OR5AN1: variants seen among roughly 807,000 people sequenced by gnomAD.
OR5AN1 encodes olfactory receptor family 5 subfamily AN member 1.
For synonymous variants in OR5AN1, 167 were observed against 131.8 expected, an observed-to-expected ratio of 1.27 and a Z score of -1.83; for missense variants, 476 against 368.9, an observed-to-expected ratio of 1.29 and a Z score of -2.38.
Position 59,365,079 on chromosome 11 carries a change from T to C in OR5AN1, c.621T>C (p.Phe207=). The C allele has an allele frequency of 6.2e-7, 1 of 1,614,154 alleles. No individual in the cohort carries two copies. Among genetic ancestry groups the C allele is most frequent in the South Asian group, 1.1e-5 (1 of 91,078 alleles). The stretch of plus-strand genomic sequence containing the variant: ...TGACTGCTATATTAACCATGTTCTT[T>C]GGGATAGCAAGTGCCCTAGTTATCA... ...QVMTAILTMF[F]GIASALVIMI... The change falls in exon 2 of 2, where the codon TTT becomes TTC. Residue 207 remains phenylalanine, a synonymous_variant. Transcript: ENST00000641998.
In OR5AN1 at chr11:59,364,722, G is replaced by C. The variant is rs778328172; in HGVS notation, c.264G>C (p.Gln88His). The C allele has an allele frequency of 6.2e-7, 1 of 1,613,986 alleles. No individual in the cohort carries two copies. The highest frequency in any genetic ancestry group is 2.2e-5 in the East Asian group (1 of 44,876). Residue 88 changes from glutamine to histidine, a missense_variant, in exon 2 of 2, where the codon CAG becomes CAC. Gln to His is a conservative substitution (Grantham distance 24). Transcript: ENST00000641998. ...TVPKMLSNLLQEQQTITFVGC... is the reference protein window; with the variant it reads ...TVPKMLSNLLHEQQTITFVGC... ...CCAAGATGCTCTCCAACCTCTTACA[G>C]GAACAGCAAACTATCACTTTTGTTG...
rs1355310350 is a variant in OR5AN1, at chr11:59,367,798, C to A, written c.*2404C>A. 6.6e-6 allele frequency: 1 copy of A among 152,448 alleles called. No homozygotes were observed. Among genetic ancestry groups the A allele is most frequent in the East Asian group, 1.9e-4 (1 of 5,196 alleles). The allele number at this position is 152,448 out of a possible 1,614,324, so 9.4% of individuals were successfully genotyped here. A position where few individuals can be genotyped will look rare whatever the true frequency, so the allele number is the denominator to read the frequency against. ...TTCCTCTTCACTGGGCAGGACCTCC[C>A]AACTGGGGCCTGCAGCCACCCCCAC... On this transcript the variant is annotated 3_prime_UTR_variant, in exon 2 of 2. Transcript: ENST00000641998.
At position 59,371,221 on chromosome 11, in the gene OR5AN1, A is replaced by G. The variant is rs1235357680; in HGVS notation, c.*5827A>G. ...GCATAGTGTCCCTGCTTAATATTAC[A>G]TAGAGTAGCTGGGTCATAATTATTT... On this transcript the variant is annotated 3_prime_UTR_variant, in exon 2 of 2. Transcript: ENST00000641998. The G allele has an allele frequency of 6.6e-6, 1 of 152,162 alleles. No individual in the cohort carries two copies. 9.4% of individuals were successfully genotyped at this position (152,162 alleles called of 1,614,324 possible). A position where few individuals can be genotyped will look rare whatever the true frequency, so the allele number is the denominator to read the frequency against.
Position 59,368,268 on chromosome 11 carries a change from A to C in OR5AN1, c.*2874A>C, listed in dbSNP as rs1857557170. On this transcript the variant is annotated 3_prime_UTR_variant, in exon 2 of 2. Transcript: ENST00000641998. ...CAAGCATAAAACAGCAGCCCTATGGAAAAGTGGCCAGAGTGTTTCGTGGGT... is the reference window on the plus strand; with the variant it reads ...CAAGCATAAAACAGCAGCCCTATGGCAAAGTGGCCAGAGTGTTTCGTGGGT... The C allele has an allele frequency of 6.6e-6, 1 of 152,260 alleles. No homozygotes were observed. The highest frequency in any genetic ancestry group is 2.1e-4 in the South Asian group (1 of 4,824). 9.4% of individuals were successfully genotyped at this position (152,260 alleles called of 1,614,324 possible).
intron 1 of OR5AN1, chr11:59,360,158 T>C (rs1436307799): frequency 6.6e-6 from 1 of 152,214 alleles, no homozygotes; most frequent in Non-Finnish European, 1.5e-5. Context: ...TGTTCTTTAC[T>C]GGAAATGGTA....
At position 59,368,187 on chromosome 11, in the gene OR5AN1, T is replaced by C. The variant is rs1857555804; in HGVS notation, c.*2793T>C. ...GTCTTTGCTGTTTCACAGCCTTCAC[T>C]GGTGACACCTCCAGGTTCTGGGAAA... is the stretch of plus-strand genomic sequence containing the variant. On this transcript the variant is annotated 3_prime_UTR_variant, in exon 2 of 2. Coordinates refer to ENST00000641998, the MANE Select transcript of OR5AN1 (RefSeq NM_001004729.2). 6.6e-6 allele frequency: 1 copy of C among 152,332 alleles called. No homozygotes were observed. Among genetic ancestry groups the C allele is most frequent in the African/African-American group, 2.4e-5 (1 of 41,466 alleles). 9.4% of individuals were successfully genotyped at this position (152,332 alleles called of 1,614,324 possible).
Position 59,369,893 on chromosome 11 carries a change from G to A in OR5AN1, c.*4499G>A, listed in dbSNP as rs1608212. The A allele has an allele frequency of 0.67, 101,746 of 152,002 alleles. 34,277 individuals carry two copies. The highest frequency in any genetic ancestry group is 0.72 in the Middle Eastern group (212 of 294). 9.4% of individuals were successfully genotyped at this position (152,002 alleles called of 1,614,324 possible). On this transcript the variant is annotated 3_prime_UTR_variant, in exon 2 of 2. Coordinates refer to ENST00000641998, the MANE Select transcript of OR5AN1 (RefSeq NM_001004729.2). ...GTGAGTCATCTACAAAGGGATCCCCGTCAGGCTAACAGCAGACCTCTCCAC... is the reference window on the plus strand; with the variant it reads ...GTGAGTCATCTACAAAGGGATCCCCATCAGGCTAACAGCAGACCTCTCCAC...
At chr11:59,361,277 G>T (rs1857459117) in intron 1 of OR5AN1, among the ~76,000 whole-genome samples, 1 of 151,960 alleles carries the variant, frequency 6.6e-6, no homozygotes. Flanking sequence ...ATTTTTTGAG[G>T]CCTTAGTGTT....
In OR5AN1 at chr11:59,365,201, C is replaced by T; in HGVS notation, c.743C>T (p.Ala248Val). ...AACACCTGTGCTTCTCATCTAACAGCTGTTTCCCTCTTCTATACATCAGGA... is the reference window on the plus strand; with the variant it reads ...AACACCTGTGCTTCTCATCTAACAGTTGTTTCCCTCTTCTATACATCAGGA... ...AFNTCASHLT[A>V]VSLFYTSGIF... is the part of the protein sequence containing the mutation. Residue 248 changes from alanine (A) to valine (V), a missense_variant, in exon 2 of 2, where the codon GCT (alanine) becomes GTT (valine). Transcript: ENST00000641998. 6.2e-7 allele frequency: 1 copy of T among 1,614,034 alleles called. No individual in the cohort carries two copies. The highest frequency in any genetic ancestry group is 8.5e-7 in the Non-Finnish European group (1 of 1,179,952).
chr11:59,360,375 C>G (rs1198848280), intron 1 of OR5AN1, among the ~76,000 whole-genome samples: 2 of 152,056 alleles, frequency 1.3e-5, no homozygotes, highest in African/African-American at 4.8e-5. Context: ...GATAACATAT[C>G]TGAGATATTG....
intron 1 of OR5AN1, among the ~76,000 whole-genome samples, chr11:59,364,005 C>A (rs946829901): frequency 1.3e-5 from 2 of 152,110 alleles, no homozygotes; most frequent in African/African-American, 4.8e-5. Flanking sequence ...TCAGGTGATC[C>A]ACCCACCTCA....
chr11:59,359,361 G>A (rs1057275668), intron 1 of OR5AN1, 89 bp downstream of exon 1: 2 of 152,090 alleles, frequency 1.3e-5, no homozygotes, highest in Non-Finnish European at 2.9e-5. Flanking sequence ...CTGTAAAATG[G>A]GGATGTTGGG....
chr11:59,364,940 T>A lies in OR5AN1; in HGVS notation c.482T>A (p.Ile161Asn). The A allele has an allele frequency of 6.2e-7, 1 of 1,614,142 alleles. No homozygotes were observed. The highest frequency in any genetic ancestry group is 8.5e-7 in the Non-Finnish European group (1 of 1,180,010). ...MTGLTASLFQ[I>N]GALLQLHFCG... ...GGCCTCACTGCTTCTTTATTCCAAA[T>A]TGGTGCTTTGCTTCAACTCCACTTC... Residue 161 changes from isoleucine to asparagine, a missense_variant, in exon 2 of 2, where the codon ATT (isoleucine) becomes AAT (asparagine). Transcript: ENST00000641998.
chr11:59,364,436 C>T lies in OR5AN1; in HGVS notation c.-13-10C>T. The T allele has an allele frequency of 6.6e-7, 1 of 1,523,296 alleles. No homozygotes were observed. The highest frequency in any genetic ancestry group is 9.0e-7 in the Non-Finnish European group (1 of 1,113,220). The allele number at this position is 1,523,296 out of a possible 1,614,324, so 94.4% of individuals were successfully genotyped here. A position where few individuals can be genotyped will look rare whatever the true frequency, so the allele number is the denominator to read the frequency against. On this transcript the variant is annotated splice_polypyrimidine_tract_variant and intron_variant, in intron 1 of 1. Coordinates refer to ENST00000641998, the MANE Select transcript of OR5AN1 (RefSeq NM_001004729.2). ...AGCAATCCATTCTCTTGTCTCCTTT[C>T]TGATATTAGGAGCACTGAGCCAATG...
chr11:59,360,733 G>A (rs76795902), intron 1 of OR5AN1, among the ~76,000 whole-genome samples: 3,585 of 152,204 alleles, frequency 0.024, 59 homozygotes, highest in Non-Finnish European at 0.037. Context: ...CTCTGCATTC[G>A]TTTGCTGAGG....
chr11:59,368,880 G>A lies in OR5AN1; in HGVS notation c.*3486G>A, dbSNP rs1031607592. On this transcript the variant is annotated 3_prime_UTR_variant, in exon 2 of 2. Coordinates refer to ENST00000641998, the MANE Select transcript of OR5AN1 (RefSeq NM_001004729.2). The stretch of plus-strand genomic sequence containing the variant: ...AACCACACGTTCTGAGCACTGAGAG[G>A]GAACACAGCTGCAAATGTGAGGAAA... The A allele has an allele frequency of 4.6e-5, 7 of 152,204 alleles. No homozygotes were observed. Among genetic ancestry groups the A allele is most frequent in the African/African-American group, 1.4e-4 (6 of 41,416 alleles). 9.4% of individuals were successfully genotyped at this position (152,204 alleles called of 1,614,324 possible). A position where few individuals can be genotyped will look rare whatever the true frequency, so the allele number is the denominator to read the frequency against.
In OR5AN1 at chr11:59,363,340, TAGA is replaced by T. The variant is rs374793207; in HGVS notation, c.-13-1097_-13-1095del. The stretch of plus-strand genomic sequence containing the variant: ...TTTTTATGTCACTGGTACAAGTTAA[TAGA>T]AGAAGAAGGTATTGGAAATAAACTC... On this transcript the variant is annotated intron_variant, in intron 1 of 1. Transcript: ENST00000641998. Among the ~76,000 whole-genome samples the T allele has an allele frequency of 1.7e-3, 258 of 152,348 alleles. 2 individuals are homozygous for T. The highest frequency in any genetic ancestry group is 2.5e-3 in the Non-Finnish European group (168 of 68,036).
At position 59,368,129 on chromosome 11, in the gene OR5AN1, G is replaced by T; in HGVS notation, c.*2735G>T. On this transcript the variant is annotated 3_prime_UTR_variant, in exon 2 of 2. Coordinates refer to ENST00000641998, the MANE Select transcript of OR5AN1 (RefSeq NM_001004729.2). ...GCCACCAAAACTGCATACCTCCCTGGGACAAAGCTCTCAGAGGAAGGGACA... is the reference window on the plus strand; with the variant it reads ...GCCACCAAAACTGCATACCTCCCTGTGACAAAGCTCTCAGAGGAAGGGACA... 1 of 152,394 alleles carries T rather than the reference G, an allele frequency of 6.6e-6. No homozygotes were observed. Among genetic ancestry groups the T allele is most frequent in the Non-Finnish European group, 1.5e-5 (1 of 68,112 alleles). 9.4% of individuals were successfully genotyped at this position (152,394 alleles called of 1,614,324 possible). A position where few individuals can be genotyped will look rare whatever the true frequency, so the allele number is the denominator to read the frequency against.
At position 59,365,576 on chromosome 11, in the gene OR5AN1, T is replaced by A. The variant is rs1026523549; in HGVS notation, c.*182T>A. 2 of 507,532 alleles carry A rather than the reference T, an allele frequency of 3.9e-6. No homozygotes were observed. The highest frequency in any genetic ancestry group is 3.4e-6 in the Non-Finnish European group (1 of 290,548). The allele number at this position is 507,532 out of a possible 1,614,324, so 31.4% of individuals were successfully genotyped here. On this transcript the variant is annotated 3_prime_UTR_variant, in exon 2 of 2. Coordinates refer to ENST00000641998, the MANE Select transcript of OR5AN1 (RefSeq NM_001004729.2). Reference sequence around the variant, plus strand: ...AACAGATGACTCAATGCCACAGACATCAGGATCTTTAGGTCCTGGAGGTTC... The same window carrying A: ...AACAGATGACTCAATGCCACAGACAACAGGATCTTTAGGTCCTGGAGGTTC...
Sources: allele counts gnomAD v4.1 joint callset (sites outside exome capture counted in the v4.1 genomes callset), GRCh38; gene constraint gnomAD v4.1.1; transcripts MANE v1.5; gene names NCBI Gene and HGNC (gene_info 2026-07-23, HGNC 2026-07-21).